PSMC2: variants seen among roughly 807,000 people sequenced by gnomAD.
PSMC2 encodes the protein 26S proteasome regulatory subunit 7.
Under a neutral mutation model 53.3 loss-of-function variants are expected in PSMC2, and 7 were observed. That is an observed-to-expected ratio of 0.13 (90% CI 0.07 to 0.25). The LOEUF is 0.25. Among genes scored for constraint, PSMC2 ranks in the 10% least tolerant of loss-of-function variants. The pLI, the probability that PSMC2 is intolerant of heterozygous loss-of-function variation, is 1.00. For missense variants in PSMC2, 241 were observed against 544.0 expected (o/e 0.44, Z 5.54); for synonymous variants, 169 against 183.9 (o/e 0.92, Z 0.66).
rs1253679349 is a variant in PSMC2, at chr7:103,368,017, A to G, written c.1265A>G (p.Lys422Arg). The change falls in exon 12 of 12, where the codon AAA (lysine) becomes AGA (arginine). Residue 422 changes from lysine (K) to arginine (R), a missense_variant. By Grantham distance (26) the Lys-to-Arg change is conservative (BLOSUM62 2). Coordinates refer to ENST00000292644, the MANE Select transcript of PSMC2 (RefSeq NM_002803.4). The part of the protein sequence containing the change: ...AVNKVIKSYA[K>R]FSATPRYMTY... ...AATAAGGTCATTAAGTCTTATGCCAAATTCAGTGCTACTCCTCGTTACATG... is the reference window on the plus strand; with the variant it reads ...AATAAGGTCATTAAGTCTTATGCCAGATTCAGTGCTACTCCTCGTTACATG... 3.7e-6 allele frequency: 6 copies of G among 1,613,800 alleles called. No individual in the cohort carries two copies. The African/African-American group carries it at 4.0e-5, about 11-fold the overall frequency.
intron 1 of PSMC2, among the ~76,000 whole-genome samples, 184 bp downstream of exon 1, chr7:103,347,965 A>G (rs759755943): frequency 6.6e-5 from 10 of 152,006 alleles, no homozygotes; most frequent in Admixed American, 1.3e-4. Flanking sequence ...CATCCACTAC[A>G]AGTTCTGTAT....
At chr7:103,365,359 C>T (rs897701676) in intron 8 of PSMC2, among the ~76,000 whole-genome samples, 2 of 152,132 alleles carry the variant, frequency 1.3e-5, no homozygotes, top group Non-Finnish European at 2.9e-5. Context: ...AGGCCAGGCA[C>T]GGTGGCTCAT....
chr7:103,359,438 T>C (rs957157846), intron 4 of PSMC2, among the ~76,000 whole-genome samples: 6 of 152,168 alleles, frequency 3.9e-5, no homozygotes, highest in African/African-American at 1.4e-4. Flanking sequence ...AATTCCAGAA[T>C]AGAATATTTT....
At chr7:103,350,347 A>G (rs1454720727) in intron 1 of PSMC2, among the ~76,000 whole-genome samples, 2 of 152,166 alleles carry the variant, frequency 1.3e-5, no homozygotes, top group Admixed American at 6.5e-5. Context: ...TCCTATCTGT[A>G]ATGTAGAAAT....
chr7:103,361,528 A>G (rs571898750), intron 4 of PSMC2, among the ~76,000 whole-genome samples: 2,127 of 150,920 alleles, frequency 0.014, 48 homozygotes, highest in African/African-American at 0.05. Context: ...AAAAAAAAAA[A>G]AAAAAGAAAA....
Position 103,347,667 on chromosome 7 carries a change from G to A in PSMC2, c.-45G>A. 1 of 1,609,414 alleles carries A rather than the reference G, an allele frequency of 6.2e-7. No individual in the cohort carries two copies. The highest frequency in any genetic ancestry group is 8.5e-7 in the Non-Finnish European group (1 of 1,175,994). On this transcript the variant is annotated 5_prime_UTR_variant, in exon 1 of 12. It adds an upstream start codon to the 5' untranslated region. Transcript: ENST00000292644. ...GAAGACACCACCGGAAGCAAGGAAG[G>A]TGCTGTGTAATCATTAAGGAGCGGA... is the stretch of plus-strand genomic sequence containing the variant.
At chr7:103,361,530 A>G (rs372359660) in intron 4 of PSMC2, among the ~76,000 whole-genome samples, 6,541 of 149,820 alleles carry the variant, frequency 0.044, 219 homozygotes, top group African/African-American at 0.074. Flanking sequence ...AAAAAAAAAA[A>G]AAAGAAAAAC....
chr7:103,364,518 T>G (rs1208321892), intron 8 of PSMC2, among the ~76,000 whole-genome samples: 2 of 152,140 alleles, frequency 1.3e-5, no homozygotes, highest in Non-Finnish European at 2.9e-5. Context: ...TAGGCGATCC[T>G]CCCATCTCAG....
In PSMC2 at chr7:103,361,939, A is replaced by G. The variant is rs1434691251; in HGVS notation, c.291-18A>G. On this transcript the variant is annotated intron_variant, in intron 4 of 11. Transcript: ENST00000292644. Reference sequence around the variant, plus strand: ...TGGCTTAGGTTCCTTATTCTAATCAAGCTTTTTGCTGTGTTAGGTGTACAA... The same window carrying G: ...TGGCTTAGGTTCCTTATTCTAATCAGGCTTTTTGCTGTGTTAGGTGTACAA... The G allele has an allele frequency of 8.8e-6, 14 of 1,592,884 alleles. No individual in the cohort carries two copies. Among genetic ancestry groups the G allele is most frequent in the Non-Finnish European group, 1.1e-5 (13 of 1,173,836 alleles).
rs1253995371 is a variant in PSMC2, at chr7:103,368,198, TTTC to T, written c.*146_*148del. On this transcript the variant is annotated 3_prime_UTR_variant, in exon 12 of 12. Transcript: ENST00000292644. Reference sequence around the variant, plus strand: ...CTTCTTGTAATATAATAAAAGGTGATTTCTAATGTTATTAGGCAGAAAAGCTTG... The same window carrying T: ...CTTCTTGTAATATAATAAAAGGTGATTAATGTTATTAGGCAGAAAAGCTTG... 5 of 765,434 alleles carry T rather than the reference TTTC, an allele frequency of 6.5e-6. No homozygotes were observed. The highest frequency in any genetic ancestry group is 9.9e-6 in the Non-Finnish European group (5 of 506,334). The allele number at this position is 765,434 out of a possible 1,614,324, so 47.4% of individuals were successfully genotyped here.
intron 4 of PSMC2, among the ~76,000 whole-genome samples, chr7:103,356,502 G>A (rs928223733): frequency 7.2e-5 from 11 of 152,128 alleles, no homozygotes; most frequent in Admixed American, 1.3e-4. Context: ...TGTAAGATAC[G>A]CAGTTTTCAA....
intron 4 of PSMC2, among the ~76,000 whole-genome samples, chr7:103,361,324 C>A (rs1461522181): frequency 6.8e-6 from 1 of 147,450 alleles, no homozygotes; most frequent in Admixed American, 6.7e-5. Context: ...TCAAGAGAAA[C>A]CCCCTCTCTA....
intron 1 of PSMC2, 139 bp from the exon 2 acceptor site, chr7:103,353,782 G>A (rs893108260): frequency 4.2e-6 from 3 of 714,418 alleles, no homozygotes; most frequent in East Asian, 2.7e-5. Flanking sequence ...GATTGAATAT[G>A]TATCATCATA....
intron 4 of PSMC2, among the ~76,000 whole-genome samples, chr7:103,358,669 G>A (rs1343761620): frequency 5.9e-5 from 9 of 151,476 alleles, no homozygotes; most frequent in Non-Finnish European, 1.5e-5. Flanking sequence ...TCATTTTTGT[G>A]TGTGTGTTGA....
chr7:103,361,510 C>CAAA (rs759044767), intron 4 of PSMC2, among the ~76,000 whole-genome samples: 53 of 50,980 alleles, frequency 1.0e-3, no homozygotes, highest in African/African-American at 2.1e-3. Flanking sequence ...AACTCCATCT[C>CAAA]AAAAAAAAAA....
chr7:103,365,979 T>G (rs1190868522), intron 8 of PSMC2, 97 bp from the exon 9 acceptor site: 11 of 959,536 alleles, frequency 1.1e-5, no homozygotes, highest in Non-Finnish European at 1.7e-5. Context: ...GAGAATACTG[T>G]TAGGAATAAA....
chr7:103,364,883 T>C (rs992171619), intron 8 of PSMC2, among the ~76,000 whole-genome samples: 1 of 150,582 alleles, frequency 6.6e-6, no homozygotes, highest in Non-Finnish European at 1.5e-5. Flanking sequence ...AAAAGTATAC[T>C]TTTACTTCAG....
In PSMC2 at chr7:103,366,136, T is replaced by G; in HGVS notation, c.817T>G (p.Phe273Val). 6.2e-7 allele frequency: 1 copy of G among 1,613,870 alleles called. No homozygotes were observed. The highest frequency in any genetic ancestry group is 8.5e-7 in the Non-Finnish European group (1 of 1,179,786). The change falls in exon 9 of 12, where the codon TTC becomes GTC. Residue 273 changes from phenylalanine (F) to valine (V), a missense_variant. Around this residue, in one of 6 missense-constraint regions of PSMC2, gnomAD observed 26 missense variants for 104.7 expected, o/e 0.25. Coordinates refer to ENST00000292644, the MANE Select transcript of PSMC2 (RefSeq NM_002803.4). ...MARTKKACLIFFDEIDAIGGA... is the reference protein window; with the variant it reads ...MARTKKACLIVFDEIDAIGGA... ...CAGAACAAAAAAAGCCTGCCTTATC[T>G]TCTTTGATGAAATTGATGCTATTGG... is the stretch of plus-strand genomic sequence containing the variant.
intron 2 of PSMC2, 37 bp from the exon 3 acceptor site, chr7:103,354,831 T>C (rs768631262): frequency 6.8e-5 from 89 of 1,312,244 alleles, no homozygotes; most frequent in Non-Finnish European, 9.5e-5. Flanking sequence ...ATGGTTGATA[T>C]CCTGATATTC....
Sources: allele counts gnomAD v4.1 joint callset (sites outside exome capture counted in the v4.1 genomes callset), GRCh38; gene constraint gnomAD v4.1.1; regional missense constraint gnomAD v4.1.1; transcripts MANE v1.5; gene names NCBI Gene and HGNC (gene_info 2026-07-23, HGNC 2026-07-21).